SRRM4: variants seen among roughly 807,000 people sequenced by gnomAD.
The protein encoded by SRRM4 is serine/arginine repetitive matrix protein 4.
In SRRM4, 33 loss-of-function variants were observed where a neutral mutation model predicts 68.9. That is an observed-to-expected ratio of 0.48 (90% confidence interval 0.36 to 0.64). The LOEUF (loss-of-function observed/expected upper bound fraction) is 0.64. Among genes scored for constraint, SRRM4 ranks in the 30% least tolerant of loss-of-function variants. SRRM4 has a pLI of 0.00. For synonymous variants in SRRM4, 318 were observed against 318.8 expected, an observed-to-expected ratio of 1.00 and a Z score of 0.03; for missense variants, 817 against 827.1, an observed-to-expected ratio of 0.99 and a Z score of 0.15.
intron 7 of SRRM4, among the ~76,000 whole-genome samples, chr12:119,129,872 AATGGATGGATGG>A (rs112594447): frequency 5.3e-4 from 73 of 137,000 alleles, no homozygotes; most frequent in South Asian, 1.6e-3. Flanking sequence ...TAGTTGGACA[AATGGATGGATGG>A]ATGGATGGAT....
At chr12:119,114,392 C>A (rs1349014365) in intron 3 of SRRM4, 28 bp downstream of exon 3, 2 of 1,569,054 alleles carry the variant, frequency 1.3e-6, no homozygotes, top group Admixed American at 1.8e-5. Flanking sequence ...GAGATAAAAC[C>A]TGTAAGATGC....
intron 1 of SRRM4, among the ~76,000 whole-genome samples, chr12:119,002,540 T>G (rs1953391326): frequency 6.6e-6 from 1 of 152,204 alleles, no homozygotes; most frequent in South Asian, 2.1e-4. Flanking sequence ...TGGGACAGGA[T>G]GAAAATCTAA....
rs541476792 is a variant in SRRM4 at position 119,029,202 on chromosome 12, C to A, written c.131+47189C>A. ...ACATATACTCCCACCAGAACCTGCT[C>A]CCTTATTCCCACTCTAATTTCCTTA... On this transcript the variant is annotated intron_variant, in intron 1 of 12. Transcript: ENST00000267260. Among the ~76,000 whole-genome samples the A allele has an allele frequency of 4.6e-5, 7 of 152,246 alleles. No homozygotes were observed. The South Asian group carries it at 1.5e-3, about 32-fold the overall frequency.
intron 1 of SRRM4, among the ~76,000 whole-genome samples, chr12:119,083,148 A>G (rs561004876): frequency 2.0e-5 from 3 of 152,076 alleles, no homozygotes; most frequent in African/African-American, 2.4e-5. Context: ...GTTCCCAGGC[A>G]CAGCCAAAGT....
intron 1 of SRRM4, among the ~76,000 whole-genome samples, chr12:119,002,372 A>G (rs1279209244): frequency 6.6e-6 from 1 of 152,104 alleles, no homozygotes; most frequent in Non-Finnish European, 1.5e-5. Context: ...TGGGCTTATC[A>G]TAGTGCTAGG....
chr12:119,132,215 C>T (rs1454444178), intron 8 of SRRM4: 1 of 152,160 alleles, frequency 6.6e-6, no homozygotes. Context: ...AAAAAGGGGT[C>T]TTCCCAGCAA....
chr12:119,039,091 C>G (rs1953648681), intron 1 of SRRM4, among the ~76,000 whole-genome samples: 1 of 152,230 alleles, frequency 6.6e-6, no homozygotes, highest in Non-Finnish European at 1.5e-5. Context: ...AGCATCATCT[C>G]AGCTCTTACT....
At chr12:119,087,625 T>C in intron 1 of SRRM4, among the ~76,000 whole-genome samples, 1 of 152,058 alleles carries the variant, frequency 6.6e-6, no homozygotes, top group East Asian at 1.9e-4. Flanking sequence ...ATTGACTGAG[T>C]GTCTCAGTCT....
intron 1 of SRRM4, among the ~76,000 whole-genome samples, chr12:119,007,929 G>A (rs1236045181): frequency 2.0e-5 from 3 of 152,120 alleles, no homozygotes. Context: ...CTTCTCCAGT[G>A]GGGAGGCCTC....
At chr12:119,010,138 C>T (rs1407867731) in intron 1 of SRRM4, among the ~76,000 whole-genome samples, 3 of 152,180 alleles carry the variant, frequency 2.0e-5, no homozygotes, top group African/African-American at 7.2e-5. Flanking sequence ...CTGCAACCTC[C>T]GCCTCCCAGG....
Position 119,042,573 on chromosome 12 carries a change from G to A in SRRM4, c.132-59663G>A, listed in dbSNP as rs77016757. Among the ~76,000 whole-genome samples, 1,006 of 151,306 alleles carry A rather than the reference G, an allele frequency of 6.6e-3. 10 individuals carry two copies. Among genetic ancestry groups the A allele is most frequent in the African/African-American group, 0.024 (983 of 41,222 alleles). On this transcript the variant is annotated intron_variant, in intron 1 of 12. Transcript: ENST00000267260. ...GGCAGATCTGAGAGGAAGAGGGGGTGGTAGACAATGGAAGATGAAAGAGAA... is the reference window on the plus strand; with the variant it reads ...GGCAGATCTGAGAGGAAGAGGGGGTAGTAGACAATGGAAGATGAAAGAGAA...
rs1295772635 is a variant in SRRM4 at position 119,019,958 on chromosome 12, C to CT, written c.131+37945_131+37946insT. 4.7e-4 allele frequency among the ~76,000 whole-genome samples: 35 copies of CT among 73,740 alleles called. 1 individual carries two copies. Among genetic ancestry groups the CT allele is most frequent in the Non-Finnish European group, 2.1e-4 (6 of 28,788 alleles). The allele number at this position is 73,740 out of a possible 152,430, so 48.4% of individuals were successfully genotyped here. On this transcript the variant is annotated intron_variant, in intron 1 of 12. Transcript: ENST00000267260. ...GGACAGTTCCCCCCGCTCCCCCCCC[C>CT]CCCAAAAAAAAATCACACACATGCA...
intron 2 of SRRM4, among the ~76,000 whole-genome samples, chr12:119,110,410 C>T (rs533404848): frequency 6.6e-6 from 1 of 152,238 alleles, no homozygotes; most frequent in Non-Finnish European, 1.5e-5. Context: ...TTCAGCTATG[C>T]CCTGCCCCCA....
intron 2 of SRRM4, 35 bp downstream of exon 2, chr12:119,102,417 C>G: frequency 6.4e-7 from 1 of 1,566,912 alleles, no homozygotes; most frequent in Non-Finnish European, 8.7e-7. Context: ...GTTGAAGATA[C>G]AGAAATAAAG....
At chr12:119,151,995 A>G (rs1954442315) in intron 10 of SRRM4, among the ~76,000 whole-genome samples, 1 of 152,180 alleles carries the variant, frequency 6.6e-6, no homozygotes, top group Non-Finnish European at 1.5e-5. Flanking sequence ...AAGAAAAATT[A>G]TGGCCATTTT....
At position 119,136,470 on chromosome 12, in the gene SRRM4, G is replaced by GTTTGTTTTGTTTTGT. The variant is rs375418674; in HGVS notation, c.771+5649_771+5663dup. ...GGGATTTTCTGGGCCATTGGTTTTT[G>GTTTGTTTTGTTTTGT]TTTGTTTTGTTTTGTTTTGTTTTGT... is the stretch of plus-strand genomic sequence containing the variant. On this transcript the variant is annotated intron_variant, in intron 8 of 12. Transcript: ENST00000267260. Among the ~76,000 whole-genome samples, 772 of 152,018 alleles carry GTTTGTTTTGTTTTGT rather than the reference G, an allele frequency of 5.1e-3. 7 individuals are homozygous for GTTTGTTTTGTTTTGT. Among genetic ancestry groups the GTTTGTTTTGTTTTGT allele is most frequent in the African/African-American group, 0.018 (730 of 41,386 alleles).
chr12:119,161,909 T>C lies in SRRM4; in HGVS notation c.*5111T>C, dbSNP rs1416079418. ...TGAAAAAAAAAATAAAGAAAAATTG[T>C]AAACTCTTTTTTTTTTCTGGCCAAG... On this transcript the variant is annotated 3_prime_UTR_variant, in exon 13 of 13. Coordinates refer to ENST00000267260, the MANE Select transcript of SRRM4 (RefSeq NM_194286.4). 6.6e-6 allele frequency: 1 copy of C among 152,036 alleles called. No homozygotes were observed. The highest frequency in any genetic ancestry group is 1.9e-4 in the East Asian group (1 of 5,200). 9.4% of individuals were successfully genotyped at this position (152,036 alleles called of 1,614,324 possible).
rs997350840 is a variant in SRRM4, at chr12:119,158,491, C to A, written c.*1693C>A. On this transcript the variant is annotated 3_prime_UTR_variant, in exon 13 of 13. Transcript: ENST00000267260. ...AACCACCACCACGACAGCCCTTCCTCCATCAGAAGACAGGAGTGAGGGCCC... is the reference window on the plus strand; with the variant it reads ...AACCACCACCACGACAGCCCTTCCTACATCAGAAGACAGGAGTGAGGGCCC... 6.6e-6 allele frequency: 1 copy of A among 152,520 alleles called. No homozygotes were observed. The highest frequency in any genetic ancestry group is 2.4e-5 in the African/African-American group (1 of 41,470). The allele number at this position is 152,520 out of a possible 1,614,324, so 9.4% of individuals were successfully genotyped here.
chr12:119,070,918 C>G (rs543281807), intron 1 of SRRM4, among the ~76,000 whole-genome samples: 1 of 152,288 alleles, frequency 6.6e-6, no homozygotes, highest in African/African-American at 2.4e-5. Context: ...CCCGTCTTTA[C>G]TCCACTGCCT....
Sources: gnomAD v4.1 joint callset for allele counts (sites outside exome capture counted in the v4.1 genomes callset) on GRCh38, gnomAD v4.1.1 for gene constraint, MANE v1.5 for transcripts, NCBI Gene and HGNC (gene_info 2026-07-23, HGNC 2026-07-21) for gene names.